Variants in GRXCR1 observed in about 807,000 individuals in gnomAD.
The protein encoded by GRXCR1 is glutaredoxin domain-containing cysteine-rich protein 1.
Under a neutral mutation model 27.3 loss-of-function variants are expected in GRXCR1, and 27 were observed. That is an observed-to-expected ratio of 0.99 (90% CI 0.73 to 1.37). The LOEUF (loss-of-function observed/expected upper bound fraction) is 1.37, where lower values mean the gene tolerates loss of function less well. GRXCR1 is among the 40% of genes most tolerant of loss of function. The pLI, the probability that GRXCR1 is intolerant of heterozygous loss-of-function variation, is 0.00. For missense variants in GRXCR1, 379 were observed against 354.4 expected (o/e 1.07, Z -0.56); for synonymous variants, 122 against 131.1 (o/e 0.93, Z 0.47).
Position 42,947,723 on chromosome 4 carries a change from A to G in GRXCR1, c.385-15169A>G, listed in dbSNP as rs370862149. On this transcript the variant is annotated intron_variant, in intron 1 of 3. Coordinates refer to ENST00000399770, the MANE Select transcript of GRXCR1 (RefSeq NM_001080476.3). ...CTTTCCTTTCCAGAAACAATTCCCAATGTTTCCAGAAATAATTTTTTCTTC... is the reference window on the plus strand; with the variant it reads ...CTTTCCTTTCCAGAAACAATTCCCAGTGTTTCCAGAAATAATTTTTTCTTC... Among the ~76,000 whole-genome samples, 71 of 152,232 alleles carry G rather than the reference A, an allele frequency of 4.7e-4. 2 individuals carry two copies. In the South Asian group the frequency reaches 0.011, roughly 23 times the overall value.
At chr4:42,908,449 G>A (rs549242102) in intron 1 of GRXCR1, among the ~76,000 whole-genome samples, 1 of 152,270 alleles carries the variant, frequency 6.6e-6, no homozygotes, top group African/African-American at 2.4e-5. Flanking sequence ...GGTTGAAGCT[G>A]GCCAGAGACT....
chr4:42,973,803 T>C (rs1029005181), intron 2 of GRXCR1, among the ~76,000 whole-genome samples: 20 of 152,184 alleles, frequency 1.3e-4, no homozygotes, highest in African/African-American at 3.9e-4. Context: ...TCAATGAAGA[T>C]AATAGAATAC....
intron 1 of GRXCR1, among the ~76,000 whole-genome samples, chr4:42,926,053 G>A (rs1165105853): frequency 6.6e-6 from 1 of 151,918 alleles, no homozygotes; most frequent in South Asian, 2.1e-4. Context: ...CTAACCTTTC[G>A]ACTTTTTCCA....
chr4:42,933,502 T>C (rs1237955321), intron 1 of GRXCR1, among the ~76,000 whole-genome samples: 2 of 151,988 alleles, frequency 1.3e-5, no homozygotes, highest in East Asian at 3.9e-4. Context: ...TTTGCCCTTT[T>C]CCCTCTTCTT....
At chr4:42,916,499 G>A (rs753763800) in intron 1 of GRXCR1, among the ~76,000 whole-genome samples, 3 of 152,040 alleles carry the variant, frequency 2.0e-5, no homozygotes, top group African/African-American at 4.8e-5. Flanking sequence ...AAAATCATAG[G>A]CCAATTATTT....
At chr4:42,941,492 A>G (rs1050942051) in intron 1 of GRXCR1, among the ~76,000 whole-genome samples, 4 of 151,978 alleles carry the variant, frequency 2.6e-5, no homozygotes, top group African/African-American at 9.7e-5. Flanking sequence ...GAATTACATA[A>G]TTATTTGGCT....
At chr4:42,960,473 G>A (rs1748106284) in intron 1 of GRXCR1, among the ~76,000 whole-genome samples, 1 of 151,850 alleles carries the variant, frequency 6.6e-6, no homozygotes, top group South Asian at 2.1e-4. Context: ...CTAAAGATCA[G>A]TGTTTCTAAA....
At chr4:42,917,505 C>T (rs1746911838) in intron 1 of GRXCR1, among the ~76,000 whole-genome samples, 1 of 152,194 alleles carries the variant, frequency 6.6e-6, no homozygotes, top group Admixed American at 6.5e-5. Flanking sequence ...GAGGACTTCA[C>T]TGGCAGCGAC....
At chr4:42,985,382 C>T (rs887418595) in intron 2 of GRXCR1, among the ~76,000 whole-genome samples, 1 of 152,004 alleles carries the variant, frequency 6.6e-6, no homozygotes, top group Non-Finnish European at 1.5e-5. Context: ...AAGGTATAAC[C>T]TGTAACATTT....
intron 2 of GRXCR1, among the ~76,000 whole-genome samples, chr4:42,969,795 C>T (rs999489689): frequency 1.3e-5 from 2 of 152,106 alleles, no homozygotes; most frequent in Non-Finnish European, 2.9e-5. Context: ...ATGTCCTTCT[C>T]ACATTTTAAA....
At chr4:42,987,353 G>C (rs1168319072) in intron 2 of GRXCR1, among the ~76,000 whole-genome samples, 3 of 148,930 alleles carry the variant, frequency 2.0e-5, no homozygotes, top group Non-Finnish European at 4.4e-5. Context: ...TGTGATCATA[G>C]CTTAGGGTGA....
intron 1 of GRXCR1, among the ~76,000 whole-genome samples, chr4:42,913,843 C>T (rs887581341): frequency 2.6e-5 from 4 of 152,186 alleles, no homozygotes; most frequent in Admixed American, 2.6e-4. Flanking sequence ...TGCCCTGCAT[C>T]CCAGCTGCTT....
rs956115359 is a variant in GRXCR1 at position 42,982,268 on chromosome 4, A to C, written c.627+19134A>C. On this transcript the variant is annotated intron_variant, in intron 2 of 3. Coordinates refer to ENST00000399770, the MANE Select transcript of GRXCR1 (RefSeq NM_001080476.3). ...CCCTTTCCTGTGTCCATGTGATCTCATTGTTCAATTCCCACCTATGAGTGA... is the reference window on the plus strand; with the variant it reads ...CCCTTTCCTGTGTCCATGTGATCTCCTTGTTCAATTCCCACCTATGAGTGA... Among the ~76,000 whole-genome samples the C allele has an allele frequency of 1.6e-4, 21 of 130,388 alleles. 1 individual carries two copies. The highest frequency in any genetic ancestry group is 5.6e-4 in the African/African-American group (19 of 33,868). 85.5% of individuals were successfully genotyped at this position (130,388 alleles called of 152,430 possible).
chr4:43,028,006 G>C (rs970631407), intron 3 of GRXCR1, among the ~76,000 whole-genome samples: 4 of 152,068 alleles, frequency 2.6e-5, no homozygotes, highest in African/African-American at 9.7e-5. Context: ...CTTCTTGGGA[G>C]GCTGAGGCAG....
chr4:43,004,672 T>A (rs1225933902), intron 2 of GRXCR1, among the ~76,000 whole-genome samples: 6 of 152,238 alleles, frequency 3.9e-5, no homozygotes, highest in Non-Finnish European at 8.8e-5. Context: ...ACTGCCCTGC[T>A]GGGTTTTGGA....
intron 1 of GRXCR1, among the ~76,000 whole-genome samples, chr4:42,900,964 C>T (rs1296989408): frequency 6.6e-6 from 1 of 152,118 alleles, no homozygotes; most frequent in Non-Finnish European, 1.5e-5. Flanking sequence ...CTCATGAGTA[C>T]CTTCCTTTGA....
chr4:43,004,806 G>T (rs1406649214), intron 2 of GRXCR1, among the ~76,000 whole-genome samples: 2 of 152,202 alleles, frequency 1.3e-5, no homozygotes, highest in African/African-American at 2.4e-5. Flanking sequence ...GATTTTACAG[G>T]CTCATAGATG....
chr4:43,019,373 C>A (rs1347595), intron 2 of GRXCR1, among the ~76,000 whole-genome samples: 1 of 152,256 alleles, frequency 6.6e-6, no homozygotes, highest in Admixed American at 6.5e-5. Context: ...GCTTGGCACC[C>A]TGCTTAGCAC....
chr4:42,954,866 T>C (rs1747962446), intron 1 of GRXCR1, among the ~76,000 whole-genome samples: 1 of 152,132 alleles, frequency 6.6e-6, no homozygotes, highest in African/African-American at 2.4e-5. Context: ...ATAAAGTTTA[T>C]TTACAAATCA....
Sources: allele counts gnomAD v4.1 joint callset (sites outside exome capture counted in the v4.1 genomes callset), GRCh38; gene constraint gnomAD v4.1.1; transcripts MANE v1.5; gene names NCBI Gene and HGNC (gene_info 2026-07-23, HGNC 2026-07-21).